Variants in OXR1 observed in about 807,000 individuals in gnomAD.
OXR1 encodes oxidation resistance 1.
In OXR1, 41 loss-of-function variants were observed where a neutral mutation model predicts 104.6. The observed-to-expected ratio is 0.39, with a 90% CI of 0.31 to 0.51. The LOEUF (loss-of-function observed/expected upper bound fraction) is 0.51, where lower values mean the gene tolerates loss of function less well. Among genes scored for constraint, OXR1 ranks in the 20% least tolerant of loss-of-function variants. OXR1 has a pLI of 0.77. For synonymous variants in OXR1, 348 were observed against 348.4 expected (o/e 1.00, Z 0.01); for missense variants, 955 against 1,031.9 (o/e 0.93, Z 1.02).
intron 1 of OXR1, among the ~76,000 whole-genome samples, chr8:106,316,939 C>T (rs1160371198): frequency 6.6e-6 from 1 of 152,034 alleles, no homozygotes; most frequent in East Asian, 1.9e-4. Context: ...GACGCAATCT[C>T]GGCTCACTGA....
intron 1 of OXR1, among the ~76,000 whole-genome samples, chr8:106,321,341 A>G (rs540703482): frequency 4.6e-5 from 7 of 152,320 alleles, no homozygotes; most frequent in African/African-American, 1.2e-4. Context: ...TTATACTACA[A>G]CTAATGAAAT....
At chr8:106,654,416 C>T (rs1338521304) in intron 3 of OXR1, among the ~76,000 whole-genome samples, 1 of 151,946 alleles carries the variant, frequency 6.6e-6, no homozygotes, top group East Asian at 1.9e-4. Flanking sequence ...GATAAAGATG[C>T]AAAGACAATG....
intron 1 of OXR1, among the ~76,000 whole-genome samples, chr8:106,303,711 A>G (rs1468287946): frequency 6.6e-6 from 1 of 152,220 alleles, no homozygotes; most frequent in South Asian, 2.1e-4. Flanking sequence ...ATGTATAACA[A>G]TAAACTTGTT....
At chr8:106,304,931 C>G (rs913956874) in intron 1 of OXR1, among the ~76,000 whole-genome samples, 5 of 152,052 alleles carry the variant, frequency 3.3e-5, no homozygotes, top group African/African-American at 1.2e-4. Context: ...GGCAGAAGTC[C>G]ACATGCCTAG....
intron 15 of OXR1, 141 bp from the exon 16 acceptor site, chr8:106,745,648 C>T (rs1835329304): frequency 4.3e-6 from 2 of 466,694 alleles, no homozygotes; most frequent in South Asian, 5.2e-5. Flanking sequence ...CCACCAGAGC[C>T]TTCTGTGCGG....
At chr8:106,587,723 C>A (rs988112294) in intron 3 of OXR1, among the ~76,000 whole-genome samples, 1 of 152,118 alleles carries the variant, frequency 6.6e-6, no homozygotes, top group African/African-American at 2.4e-5. Flanking sequence ...CCCTCCTCTT[C>A]ATGAAACCTC....
intron 2 of OXR1, among the ~76,000 whole-genome samples, chr8:106,389,654 T>C (rs1333071128): frequency 2.0e-5 from 3 of 152,222 alleles, no homozygotes; most frequent in African/African-American, 7.2e-5. Flanking sequence ...AAGTATAAAT[T>C]CAACCTCAAT....
At chr8:106,274,140 C>A (rs777464089) in intron 1 of OXR1, among the ~76,000 whole-genome samples, 1 of 152,066 alleles carries the variant, frequency 6.6e-6, no homozygotes, top group Non-Finnish European at 1.5e-5. Context: ...GTAAGAATGT[C>A]GTATAATTTT....
At chr8:106,351,333 T>G (rs1335021228) in intron 1 of OXR1, among the ~76,000 whole-genome samples, 1 of 152,112 alleles carries the variant, frequency 6.6e-6, no homozygotes, top group Non-Finnish European at 1.5e-5. Flanking sequence ...CCACCCTTTC[T>G]GAAGGTTGTC....
intron 2 of OXR1, among the ~76,000 whole-genome samples, chr8:106,386,072 G>GGCAGCAGCA (rs148685430): frequency 3.3e-5 from 5 of 151,878 alleles, no homozygotes; most frequent in African/African-American, 7.3e-5. Context: ...TTGAGCAGTG[G>GGCAGCAGCA]GCAGCAGCAG....
chr8:106,306,855 AT>A (rs1025511476), intron 1 of OXR1, among the ~76,000 whole-genome samples: 1 of 152,152 alleles, frequency 6.6e-6, no homozygotes, highest in Non-Finnish European at 1.5e-5. Flanking sequence ...GTAACTGTGC[AT>A]TTTGCTCTGT....
chr8:106,418,358 T>C lies in OXR1; in HGVS notation c.23+58722T>C, dbSNP rs1818764178. Among the ~76,000 whole-genome samples, 4 of 152,138 alleles carry C rather than the reference T, an allele frequency of 2.6e-5. No individual in the cohort carries two copies. The South Asian group carries it at 8.3e-4, about 31-fold the overall frequency. On this transcript the variant is annotated intron_variant, in intron 2 of 16. Coordinates refer to ENST00000517566, the MANE Select transcript of OXR1 (RefSeq NM_001198533.2). ...TCTCCTCTCACCTCCTTTCTGTATA[T>C]TTCATGGCATTGCCCTGTTCATTGC... is the stretch of plus-strand genomic sequence containing the variant.
chr8:106,336,025 G>C (rs538122850), intron 1 of OXR1, among the ~76,000 whole-genome samples: 1 of 152,214 alleles, frequency 6.6e-6, no homozygotes, highest in Non-Finnish European at 1.5e-5. Flanking sequence ...GAACCCCGGA[G>C]GCAGAGGTTG....
chr8:106,671,327 A>G (rs1826956104), intron 3 of OXR1, among the ~76,000 whole-genome samples: 1 of 152,162 alleles, frequency 6.6e-6, no homozygotes, highest in Admixed American at 6.5e-5. Context: ...TTTCCCAGAG[A>G]TACAATAATA....
chr8:106,496,110 G>T (rs954591094), intron 2 of OXR1, among the ~76,000 whole-genome samples: 27 of 152,298 alleles, frequency 1.8e-4, no homozygotes, highest in African/African-American at 6.3e-4. Flanking sequence ...CCCAGGTTCA[G>T]AAGAAGGGCT....
At chr8:106,398,368 G>A (rs74926113) in intron 2 of OXR1, among the ~76,000 whole-genome samples, 3 of 152,084 alleles carry the variant, frequency 2.0e-5, no homozygotes, top group African/African-American at 2.4e-5. Context: ...GGGCATCAGA[G>A]TGTTTAAAAG....
intron 2 of OXR1, among the ~76,000 whole-genome samples, chr8:106,381,151 G>A (rs182834690): frequency 1.3e-5 from 2 of 152,154 alleles, no homozygotes; most frequent in Admixed American, 6.6e-5. Context: ...ATATTGAAGA[G>A]TTCACACAGG....
intron 3 of OXR1, among the ~76,000 whole-genome samples, chr8:106,559,924 G>A (rs1349544036): frequency 6.6e-6 from 1 of 152,194 alleles, no homozygotes. Flanking sequence ...CAATGATATA[G>A]CAATTATATT....
chr8:106,688,748 GAGA>G (rs1828994703), intron 6 of OXR1, among the ~76,000 whole-genome samples: 1 of 152,254 alleles, frequency 6.6e-6, no homozygotes, highest in South Asian at 2.1e-4. Flanking sequence ...AAGGCATAGA[GAGA>G]AGAATGATGG....
Sources: allele counts gnomAD v4.1 joint callset (sites outside exome capture counted in the v4.1 genomes callset), GRCh38; gene constraint gnomAD v4.1.1; transcripts MANE v1.5; gene names NCBI Gene and HGNC (gene_info 2026-07-23, HGNC 2026-07-21).